The following SLC22A23 variants were observed in gnomAD, a reference collection of about 807,000 sequenced individuals.
The protein encoded by SLC22A23 is solute carrier family 22 member 23, also known as ion transporter protein.
SLC22A23 carries 26 observed loss-of-function variants against 61.0 expected under a neutral mutation model. The observed-to-expected ratio is 0.43, with a 90% CI of 0.31 to 0.59. SLC22A23 has a LOEUF of 0.59. Among genes scored for constraint, SLC22A23 ranks in the 20% least tolerant of loss-of-function variants. SLC22A23 has a pLI of 0.11. For missense variants in SLC22A23, 796 were observed against 934.7 expected, an observed-to-expected ratio of 0.85 and a Z score of 1.94; for synonymous variants, 430 against 413.9, an observed-to-expected ratio of 1.04 and a Z score of -0.47.
At position 3,330,215 on chromosome 6, in the gene SLC22A23, C is replaced by T. The variant is rs1200204690; in HGVS notation, c.914-6213G>A. Among the ~76,000 whole-genome samples, 1 of 152,228 alleles carries T rather than the reference C, an allele frequency of 6.6e-6. No individual in the cohort carries two copies. Among genetic ancestry groups the T allele is most frequent in the Non-Finnish European group, 1.5e-5 (1 of 68,042 alleles). ...TAGACTAGAAGCCCATTTCCACCAGCAGCGGGAAAATGTGGAAAGGAAGGA... is the reference window on the plus strand; with the variant it reads ...TAGACTAGAAGCCCATTTCCACCAGTAGCGGGAAAATGTGGAAAGGAAGGA... On this transcript the variant is annotated intron_variant, in intron 3 of 9. Coordinates refer to ENST00000406686, the MANE Select transcript of SLC22A23 (RefSeq NM_015482.2). The surrounding 1 kb of genome is among the most constrained non-coding windows in gnomAD (Gnocchi z 4.7).
rs1277815181 is a variant in SLC22A23 at position 3,289,858 on chromosome 6, T to C, written c.1219A>G (p.Lys407Glu). Residue 407 changes from lysine to glutamate, a missense_variant, in exon 6 of 10, where the codon AAA becomes GAA. By Grantham distance (56) the Lys-to-Glu change is moderately conservative. Coordinates refer to ENST00000406686, the MANE Select transcript of SLC22A23 (RefSeq NM_015482.2). ...TTCTTGGGCCTCCGGGAAAGCTCTT[T>C]CTCCAGCTCTGCAAAGAAACAGACC... is the stretch of plus-strand genomic sequence containing the variant. Reference protein sequence around the residue: ...DIKGVIPELEKELSRRPKKVC... With the variant: ...DIKGVIPELEEELSRRPKKVC... The C allele has an allele frequency of 6.2e-7, 1 of 1,613,802 alleles. No individual in the cohort carries two copies. Among genetic ancestry groups the C allele is most frequent in the Non-Finnish European group, 8.5e-7 (1 of 1,180,008 alleles).
intron 3 of SLC22A23, among the ~76,000 whole-genome samples, chr6:3,393,677 C>G (rs1303345543): frequency 6.6e-6 from 1 of 152,256 alleles, no homozygotes; most frequent in Non-Finnish European, 1.5e-5. Context: ...ACAACCATTG[C>G]TCCACGCCTT....
At chr6:3,364,627 G>C (rs1318533348) in intron 3 of SLC22A23, among the ~76,000 whole-genome samples, 1 of 152,152 alleles carries the variant, frequency 6.6e-6, no homozygotes, top group African/African-American at 2.4e-5. Context: ...GTGTTTCCAG[G>C]GTCAGCGAGA....
intron 9 of SLC22A23, among the ~76,000 whole-genome samples, chr6:3,274,896 T>C (rs1758755961): frequency 6.8e-6 from 1 of 147,726 alleles, no homozygotes; most frequent in South Asian, 2.1e-4. Flanking sequence ...ATTATAAAGA[T>C]GGTAATTTTT....
At position 3,274,495 on chromosome 6, in the gene SLC22A23, T is replaced by C. The variant is rs145705799; in HGVS notation, c.1704-1083A>G. On this transcript the variant is annotated intron_variant, in intron 9 of 9. Coordinates refer to ENST00000406686, the MANE Select transcript of SLC22A23 (RefSeq NM_015482.2). ...CTGCTCGTTAGGCACCCCCTTGAAG[T>C]GAAGAGGGCTGTATCCTTTGAACTG... Among the ~76,000 whole-genome samples, 5 of 152,206 alleles carry C rather than the reference T, an allele frequency of 3.3e-5. 1 individual carries two copies. Among genetic ancestry groups the C allele is most frequent in the African/African-American group, 1.2e-4 (5 of 41,518 alleles).
intron 4 of SLC22A23, chr6:3,311,947 C>T (rs1282880008): frequency 6.6e-6 from 1 of 152,196 alleles, no homozygotes; most frequent in Non-Finnish European, 1.5e-5. Context: ...TGGAACGGCA[C>T]CAAGGTCTTG....
intron 1 of SLC22A23, among the ~76,000 whole-genome samples, chr6:3,435,412 A>G (rs1351049274): frequency 6.8e-6 from 1 of 147,766 alleles, no homozygotes; most frequent in African/African-American, 2.5e-5. Flanking sequence ...CTCCTCCCCT[A>G]TGATGGGGAC....
chr6:3,273,386 G>GCCAGCA lies in SLC22A23; in HGVS notation c.1724_1729dup (p.Val575_Leu576dup). 1.9e-6 allele frequency: 3 copies of GCCAGCA among 1,611,946 alleles called. No individual in the cohort carries two copies. Among genetic ancestry groups the GCCAGCA allele is most frequent in the Non-Finnish European group, 2.5e-6 (3 of 1,179,810 alleles). On this transcript the variant is annotated inframe_insertion, in exon 10 of 10. Transcript: ENST00000406686. ...CGTCAGCATGCCGAAGCCCGCGCTG[G>GCCAGCA]CCAGCACCAGCCCCAGCCCGCCACA...
chr6:3,451,888 T>G (rs1772170584), intron 1 of SLC22A23, among the ~76,000 whole-genome samples: 1 of 152,226 alleles, frequency 6.6e-6, no homozygotes, highest in Non-Finnish European at 1.5e-5. Flanking sequence ...ACACATTCAG[T>G]AGAAACTGTA....
intron 3 of SLC22A23, among the ~76,000 whole-genome samples, chr6:3,370,076 TAG>T (rs1766108313): frequency 1.3e-5 from 2 of 152,212 alleles, no homozygotes. Context: ...TCGGCTACAA[TAG>T]ACTTTGCTGA....
At chr6:3,285,046 CGAG>C in intron 8 of SLC22A23, 30 bp downstream of exon 8, 1 of 1,610,428 alleles carries the variant, frequency 6.2e-7, no homozygotes, top group Non-Finnish European at 8.5e-7. Flanking sequence ...TAATATGAGA[CGAG>C]GAAGCACAGC....
chr6:3,298,973 C>T (rs1380752324), intron 4 of SLC22A23, among the ~76,000 whole-genome samples: 5 of 73,474 alleles, frequency 6.8e-5, no homozygotes, highest in African/African-American at 3.5e-4. Flanking sequence ...AGCGAGACTC[C>T]GTCTCAAAAA....
At chr6:3,432,338 C>A (rs1038536815) in intron 1 of SLC22A23, 4 of 985,328 alleles carry the variant, frequency 4.1e-6, no homozygotes, top group African/African-American at 3.5e-5. Flanking sequence ...TTTGAAGAAG[C>A]CTAAGTTTAA....
chr6:3,379,133 G>T (rs139656350), intron 3 of SLC22A23, among the ~76,000 whole-genome samples: 87 of 152,306 alleles, frequency 5.7e-4, no homozygotes, highest in Non-Finnish European at 9.7e-4. Flanking sequence ...GCTCTCTGGA[G>T]ATTCTCTCCC....
At chr6:3,282,918 G>A (rs1434828382) in intron 9 of SLC22A23, among the ~76,000 whole-genome samples, 6 of 152,228 alleles carry the variant, frequency 3.9e-5, no homozygotes, top group Non-Finnish European at 8.8e-5. Flanking sequence ...CTCACTTTCC[G>A]AACTAAAGCA....
At chr6:3,310,219 C>G (rs1762272575) in intron 4 of SLC22A23, among the ~76,000 whole-genome samples, 2 of 147,460 alleles carry the variant, frequency 1.4e-5, no homozygotes, top group Middle Eastern at 3.4e-3. Context: ...GCGGGAGCAC[C>G]CTGTCTCCCA....
intron 3 of SLC22A23, among the ~76,000 whole-genome samples, chr6:3,373,336 G>C (rs1766348139): frequency 6.6e-6 from 1 of 152,192 alleles, no homozygotes; most frequent in African/African-American, 2.4e-5. Context: ...GTTTCCTCTG[G>C]ACTTTGCCCC....
chr6:3,449,607 A>G (rs1449301433), intron 1 of SLC22A23, among the ~76,000 whole-genome samples: 3 of 152,262 alleles, frequency 2.0e-5, no homozygotes, highest in African/African-American at 7.2e-5. Context: ...TGCAAGTCAC[A>G]ACCACCACCA....
At chr6:3,425,581 G>T (rs888099869) in intron 1 of SLC22A23, among the ~76,000 whole-genome samples, 10 of 152,062 alleles carry the variant, frequency 6.6e-5, no homozygotes, top group African/African-American at 2.2e-4. Flanking sequence ...ACCGCACCCG[G>T]CCGAATAATT....
Sources: allele counts gnomAD v4.1 joint callset (sites outside exome capture counted in the v4.1 genomes callset), GRCh38; gene constraint gnomAD v4.1.1; non-coding constraint Gnocchi (gnomAD v3.1); transcripts MANE v1.5; gene names NCBI Gene and HGNC (gene_info 2026-07-23, HGNC 2026-07-21).